ARPP21: variants seen among roughly 807,000 people sequenced by gnomAD.
ARPP21 encodes the protein cAMP regulated phosphoprotein 21, also known as cAMP-regulated phosphoprotein 21.
Under a neutral mutation model 113.2 loss-of-function variants are expected in ARPP21, and 69 were observed. That is an observed-to-expected ratio of 0.61 (90% CI 0.50 to 0.74). The LOEUF is 0.74. ARPP21 is among the 30% of genes least tolerant of loss of function. The pLI is 0.00. For missense variants in ARPP21, 1,070 were observed against 1,037.4 expected, an observed-to-expected ratio of 1.03 and a Z score of -0.43; for synonymous variants, 368 against 375.5, an observed-to-expected ratio of 0.98 and a Z score of 0.23.
At chr3:35,720,407 C>T (rs534933381) in intron 13 of ARPP21, among the ~76,000 whole-genome samples, 7 of 152,098 alleles carry the variant, frequency 4.6e-5, no homozygotes, top group Admixed American at 6.5e-5. Context: ...ACAATTTTGT[C>T]GGTGAGTATT....
chr3:35,661,642 A>G (rs1297135060), intron 1 of ARPP21, among the ~76,000 whole-genome samples: 2 of 152,210 alleles, frequency 1.3e-5, no homozygotes, highest in African/African-American at 4.8e-5. Context: ...AATCAACAGT[A>G]TTCAATTCTC....
rs535450971 is a variant in ARPP21 at position 35,778,140 on chromosome 3, A to T, written c.2138-14242A>T. Among the ~76,000 whole-genome samples the T allele has an allele frequency of 6.6e-4, 100 of 152,326 alleles. 1 individual carries two copies. Among genetic ancestry groups the T allele is most frequent in the African/African-American group, 1.4e-3 (58 of 41,584 alleles). On this transcript the variant is annotated intron_variant, in intron 19 of 20. Coordinates refer to ENST00000684406, the MANE Select transcript of ARPP21 (RefSeq NM_001385562.1). ...ACTAAAAGCGTTGTTCATCTCTTTT[A>T]AAAAATCTTCAGTTAAATAGATTGC...
At chr3:35,674,785 G>A (rs1023730967) in intron 1 of ARPP21, among the ~76,000 whole-genome samples, 1 of 151,870 alleles carries the variant, frequency 6.6e-6, no homozygotes, top group African/African-American at 2.4e-5. Context: ...AACCAAGAAA[G>A]AGACACACAT....
intron 1 of ARPP21, among the ~76,000 whole-genome samples, chr3:35,662,587 A>G (rs1280760023): frequency 6.6e-6 from 1 of 152,192 alleles, no homozygotes; most frequent in Non-Finnish European, 1.5e-5. Context: ...CTGATCCTGC[A>G]GAAAGCTCTG....
chr3:35,703,583 C>A (rs188080780), intron 9 of ARPP21, among the ~76,000 whole-genome samples: 1 of 151,188 alleles, frequency 6.6e-6, no homozygotes, highest in Non-Finnish European at 1.5e-5. Context: ...ATTTTCCATG[C>A]TTTTTTGATG....
Position 35,646,071 on chromosome 3 carries a change from G to T in ARPP21, c.-213+5673G>T, listed in dbSNP as rs374333111. Among the ~76,000 whole-genome samples, 3 of 151,946 alleles carry T rather than the reference G, an allele frequency of 2.0e-5. No individual in the cohort carries two copies. In the East Asian group the frequency reaches 5.8e-4, roughly 29 times the overall value. ...ATCATCTAAATGTTCAGTGATTCAAGTTGCTTTCAGATTATCTCACTACTG... is the reference window on the plus strand; with the variant it reads ...ATCATCTAAATGTTCAGTGATTCAATTTGCTTTCAGATTATCTCACTACTG... On this transcript the variant is annotated intron_variant, in intron 1 of 20. Coordinates refer to ENST00000684406, the MANE Select transcript of ARPP21 (RefSeq NM_001385562.1).
intron 19 of ARPP21, among the ~76,000 whole-genome samples, chr3:35,760,162 A>G (rs769588970): frequency 3.3e-5 from 5 of 152,046 alleles, no homozygotes; most frequent in Non-Finnish European, 5.9e-5. Flanking sequence ...AAAGACATCC[A>G]AAAGCTTTCC....
intron 19 of ARPP21, among the ~76,000 whole-genome samples, chr3:35,767,841 C>G (rs2096040546): frequency 6.6e-6 from 1 of 151,886 alleles, no homozygotes; most frequent in South Asian, 2.1e-4. Flanking sequence ...GGTGGTGGTA[C>G]CATCATAAAA....
intron 1 of ARPP21, among the ~76,000 whole-genome samples, chr3:35,668,166 T>C (rs967963430): frequency 1.3e-5 from 2 of 152,164 alleles, no homozygotes; most frequent in Non-Finnish European, 2.9e-5. Flanking sequence ...ACTTTGTTCT[T>C]ATCCATTTTG....
chr3:35,792,402 G>A lies in ARPP21; in HGVS notation c.2158G>A (p.Gly720Ser). 6.2e-7 allele frequency: 1 copy of A among 1,613,956 alleles called. No homozygotes were observed. Among genetic ancestry groups the A allele is most frequent in the Non-Finnish European group, 8.5e-7 (1 of 1,179,862 alleles). The change falls in exon 20 of 21, where the codon GGT becomes AGT. Residue 720 changes from glycine (G) to serine (S), a missense_variant. Transcript: ENST00000684406. ...QQAGYQPVLSGQQGFQGLIGV... is the reference protein window; with the variant it reads ...QQAGYQPVLSSQQGFQGLIGV... The stretch of plus-strand genomic sequence containing the variant: ...CGCAGGTTACCAGCCAGTCTTGTCT[G>A]GTCAACAGGGATTCCAAGGCCTAAT...
chr3:35,756,294 A>G (rs144586456), intron 19 of ARPP21, among the ~76,000 whole-genome samples: 2 of 152,232 alleles, frequency 1.3e-5, no homozygotes, highest in Non-Finnish European at 2.9e-5. Flanking sequence ...ACTGTAACTT[A>G]GGCACTCTGT....
intron 19 of ARPP21, among the ~76,000 whole-genome samples, chr3:35,747,309 T>G (rs1198973732): frequency 2.1e-5 from 3 of 146,302 alleles, no homozygotes; most frequent in Non-Finnish European, 3.0e-5. Flanking sequence ...GAGTCGAGAT[T>G]GCACCATTGC....
intron 5 of ARPP21, chr3:35,684,633 G>T (rs1485029327): frequency 7.1e-6 from 7 of 985,320 alleles, no homozygotes; most frequent in Non-Finnish European, 8.4e-6. Flanking sequence ...CCCAGGGGAG[G>T]GAAAATTGAT....
intron 12 of ARPP21, chr3:35,715,786 G>A (rs1450806384): frequency 5.0e-6 from 1 of 199,040 alleles, no homozygotes; most frequent in Non-Finnish European, 1.0e-5. Flanking sequence ...TAATAAATAT[G>A]GAGACATCAC....
At chr3:35,745,733 C>G (rs1168607954) in intron 19 of ARPP21, among the ~76,000 whole-genome samples, 1 of 152,144 alleles carries the variant, frequency 6.6e-6, no homozygotes, top group African/African-American at 2.4e-5. Flanking sequence ...GATGTCAAAA[C>G]AAGAGACAAT....
intron 10 of ARPP21, among the ~76,000 whole-genome samples, chr3:35,707,809 G>A (rs993706698): frequency 1.3e-5 from 2 of 151,784 alleles, no homozygotes; most frequent in African/African-American, 4.8e-5. Flanking sequence ...TTGGCGGGGG[G>A]CTATGGGATC....
intron 19 of ARPP21, among the ~76,000 whole-genome samples, chr3:35,772,678 A>G (rs966163391): frequency 1.1e-4 from 17 of 152,144 alleles, no homozygotes; most frequent in African/African-American, 3.9e-4. Context: ...AGTCCAGTGA[A>G]CTTACTCTAC....
intron 19 of ARPP21, among the ~76,000 whole-genome samples, chr3:35,768,203 T>A (rs1332784228): frequency 6.6e-6 from 1 of 151,042 alleles, no homozygotes; most frequent in Non-Finnish European, 1.5e-5. Context: ...CTCCACTGTT[T>A]TAAGTAGATA....
chr3:35,732,879 A>C (rs1204393415), intron 15 of ARPP21, among the ~76,000 whole-genome samples: 1 of 151,652 alleles, frequency 6.6e-6, no homozygotes, highest in East Asian at 1.9e-4. Context: ...AACTGCTTAC[A>C]CTTTTTTTTT....
Sources: gnomAD v4.1 joint callset for allele counts (sites outside exome capture counted in the v4.1 genomes callset) on GRCh38, gnomAD v4.1.1 for gene constraint, MANE v1.5 for transcripts, NCBI Gene and HGNC (gene_info 2026-07-23, HGNC 2026-07-21) for gene names.